ABCA12: variants seen among roughly 807,000 people sequenced by gnomAD.
ABCA12 encodes the protein glucosylceramide transporter ABCA12.
A neutral mutation model predicts 293.5 loss-of-function variants in ABCA12; 156 were observed. The observed-to-expected ratio is 0.53, with a 90% confidence interval of 0.47 to 0.61. The LOEUF is 0.61. Among genes scored for constraint, ABCA12 ranks in the 20% least tolerant of loss-of-function variants. The pLI, the probability that ABCA12 is intolerant of heterozygous loss-of-function variation, is 0.00. For missense variants in ABCA12, 2,797 were observed against 3,090.2 expected (o/e 0.91, Z 2.25); for synonymous variants, 1,063 against 1,108.0 (o/e 0.96, Z 0.81).
intron 1 of ABCA12, among the ~76,000 whole-genome samples, chr2:215,111,950 C>G (rs377613815): frequency 9.9e-5 from 15 of 152,274 alleles, no homozygotes; most frequent in African/African-American, 3.6e-4. Context: ...CCTCTCATGA[C>G]TGCCCCAATC....
At chr2:214,967,016 A>T (rs552317537) in intron 38 of ABCA12, 63 bp from the exon 39 acceptor site, 1 of 1,203,946 alleles carries the variant, frequency 8.3e-7, no homozygotes, top group African/African-American at 1.5e-5. Context: ...CTGTCTTAAC[A>T]TCTGACAGCT....
intron 7 of ABCA12, among the ~76,000 whole-genome samples, chr2:215,040,837 AC>A (rs1189116146): frequency 1.4e-4 from 22 of 151,956 alleles, no homozygotes; most frequent in African/African-American, 4.6e-4. Context: ...AAACAAAAAA[AC>A]AAAATGTTAT....
Position 214,986,681 on chromosome 2 carries a change from G to A in ABCA12, c.4024C>T (p.Leu1342Phe). Residue 1342 changes from leucine (L) to phenylalanine (F), a missense_variant, in exon 28 of 53, where the codon CTC (leucine) becomes TTC (phenylalanine). Leu to Phe is a conservative substitution (Grantham distance 22). Transcript: ENST00000272895. ...CCATGCAGGGCAACCCCGACTGTGA[G>A]ATCTTTAGGTTCAGGCTCGATGTTA... ...SSNIEPEPKD[L>F]TVGVALHGVT... The A allele has an allele frequency of 6.2e-7, 1 of 1,614,124 alleles. No individual in the cohort carries two copies. Among genetic ancestry groups the A allele is most frequent in the Non-Finnish European group, 8.5e-7 (1 of 1,179,980 alleles).
chr2:214,972,222 T>TA (rs1193955379), intron 36 of ABCA12, among the ~76,000 whole-genome samples: 1 of 152,184 alleles, frequency 6.6e-6, no homozygotes, highest in Non-Finnish European at 1.5e-5. Flanking sequence ...TTGATGTATA[T>TA]ACAGTATAAT....
intron 1 of ABCA12, among the ~76,000 whole-genome samples, chr2:215,134,640 G>T (rs1703169977): frequency 8.5e-6 from 1 of 117,612 alleles, no homozygotes; most frequent in Non-Finnish European, 1.6e-5. Context: ...GAGAGAGAGA[G>T]ACAAACAGAG....
intron 44 of ABCA12, among the ~76,000 whole-genome samples, chr2:214,951,624 G>A (rs552668878): frequency 1.3e-5 from 2 of 152,126 alleles, no homozygotes; most frequent in East Asian, 3.9e-4. Flanking sequence ...AGGCATGGTG[G>A]TGCACACCTG....
intron 29 of ABCA12, among the ~76,000 whole-genome samples, chr2:214,983,393 G>A (rs1175056127): frequency 6.6e-6 from 1 of 152,146 alleles, no homozygotes; most frequent in Non-Finnish European, 1.5e-5. Context: ...TAGTAGCCAT[G>A]GAGATCAGAA....
In ABCA12 at chr2:214,932,095, C is replaced by T. The variant is rs1019220416; in HGVS notation, c.*539G>A. 1 of 148,422 alleles carries T rather than the reference C, an allele frequency of 6.7e-6. No homozygotes were observed. Among genetic ancestry groups the T allele is most frequent in the Admixed American group, 6.1e-5 (1 of 16,446 alleles). The allele number at this position is 148,422 out of a possible 1,614,324, so 9.2% of individuals were successfully genotyped here. ...ATTCACAGGTACCGAAAGTGACATA[C>T]ACATACATTGTAAACATTGTGCCCA... On this transcript the variant is annotated 3_prime_UTR_variant, in exon 53 of 53. Coordinates refer to ENST00000272895, the MANE Select transcript of ABCA12 (RefSeq NM_173076.3).
At chr2:214,944,445 C>A (rs1698511994) in intron 49 of ABCA12, among the ~76,000 whole-genome samples, 1 of 150,904 alleles carries the variant, frequency 6.6e-6, no homozygotes, top group African/African-American at 2.4e-5. Context: ...AAAAAAATTT[C>A]AAATAGAAAG....
intron 39 of ABCA12, among the ~76,000 whole-genome samples, chr2:214,965,398 T>C (rs918813778): frequency 3.3e-5 from 5 of 151,946 alleles, no homozygotes; most frequent in African/African-American, 1.2e-4. Flanking sequence ...CTAATTAAAC[T>C]AAAGAGCTTC....
chr2:215,020,102 T>C (rs1700594235), intron 11 of ABCA12, among the ~76,000 whole-genome samples: 1 of 152,216 alleles, frequency 6.6e-6, no homozygotes, highest in Non-Finnish European at 1.5e-5. Context: ...TGACTAATTT[T>C]ATATTTTGAT....
At chr2:215,047,930 G>A (rs1264767651) in intron 6 of ABCA12, among the ~76,000 whole-genome samples, 2 of 151,022 alleles carry the variant, frequency 1.3e-5, no homozygotes, top group African/African-American at 4.9e-5. Context: ...ATCTGAAAAA[G>A]GTCTAATATC....
Position 214,990,683 on chromosome 2 carries a change from A to G in ABCA12, c.3624+19T>C, listed in dbSNP as rs200383912. The G allele has an allele frequency of 7.0e-4, 1,127 of 1,612,386 alleles. 2 individuals are homozygous for G. Among genetic ancestry groups the G allele is most frequent in the Non-Finnish European group, 8.5e-4 (1,000 of 1,178,518 alleles). ...AAAATGGGTAATTTCCCACTCTGCC[A>G]TTCCAACGGTTGACTTACCATGAAC... On this transcript the variant is annotated intron_variant, in intron 24 of 52. Transcript: ENST00000272895.
rs979022898 is a variant in ABCA12, at chr2:214,931,996, C to T, written c.*638G>A. 2 of 152,740 alleles carry T rather than the reference C, an allele frequency of 1.3e-5. No individual in the cohort carries two copies. The highest frequency in any genetic ancestry group is 4.8e-5 in the African/African-American group (2 of 41,374). 9.5% of individuals were successfully genotyped at this position (152,740 alleles called of 1,614,324 possible). On this transcript the variant is annotated 3_prime_UTR_variant, in exon 53 of 53. Coordinates refer to ENST00000272895, the MANE Select transcript of ABCA12 (RefSeq NM_173076.3). ...GAGTGAATCTAGGTTCCGTGTACCA[C>T]CAGGGTAAATTGCCCTCTCTATTGC...
intron 39 of ABCA12, chr2:214,960,423 A>C (rs1699079628): frequency 6.6e-6 from 1 of 152,080 alleles, no homozygotes; most frequent in African/African-American, 2.4e-5. Flanking sequence ...CACCAGAGGA[A>C]TCCTTGCAAA....
rs1306349837 is a variant in ABCA12, at chr2:215,025,594, G to A, written c.1287+79C>T. ...TATCTTGCCAAATATTATGAGAAGT[G>A]TTAAGGTTTTTTTTTTGTTTGTTTT... On this transcript the variant is annotated intron_variant, in intron 11 of 52. Coordinates refer to ENST00000272895, the MANE Select transcript of ABCA12 (RefSeq NM_173076.3). 20 of 848,354 alleles carry A rather than the reference G, an allele frequency of 2.4e-5. No homozygotes were observed. In the Admixed American group the frequency reaches 4.6e-4, roughly 19 times the overall value. The allele number at this position is 848,354 out of a possible 1,614,324, so 52.6% of individuals were successfully genotyped here.
chr2:214,949,236 G>A, intron 45 of ABCA12, 87 bp from the exon 46 acceptor site: 1 of 921,932 alleles, frequency 1.1e-6, no homozygotes, highest in Non-Finnish European at 1.8e-6. Flanking sequence ...CTCCCTGGGT[G>A]AAATAAATTA....
At chr2:215,033,176 C>T (rs1700916309) in intron 8 of ABCA12, among the ~76,000 whole-genome samples, 1 of 151,904 alleles carries the variant, frequency 6.6e-6, no homozygotes, top group African/African-American at 2.4e-5. Context: ...GTTAAAGGGC[C>T]AAGAATGAAT....
chr2:215,115,093 T>C (rs1267375184), intron 1 of ABCA12, among the ~76,000 whole-genome samples: 1 of 152,176 alleles, frequency 6.6e-6, no homozygotes, highest in Non-Finnish European at 1.5e-5. Flanking sequence ...AAAAATGCAA[T>C]CTATACCAGA....
Sources: gnomAD v4.1 joint callset for allele counts (sites outside exome capture counted in the v4.1 genomes callset) on GRCh38, gnomAD v4.1.1 for gene constraint, MANE v1.5 for transcripts, NCBI Gene and HGNC (gene_info 2026-07-23, HGNC 2026-07-21) for gene names.